PDE1C: variants seen among roughly 807,000 people sequenced by gnomAD.
The protein encoded by PDE1C is phosphodiesterase 1C, also known as dual specificity calcium/calmodulin-dependent 3',5'-cyclic nucleotide phosphodiesterase 1C.
PDE1C carries 62 observed loss-of-function variants against 93.1 expected under a neutral mutation model. The ratio of observed to expected loss-of-function variants is 0.67; its 90% confidence interval spans 0.54 to 0.82. The LOEUF (loss-of-function observed/expected upper bound fraction) is 0.82. PDE1C is among the 40% of genes least tolerant of loss of function. The pLI is 0.00. For synonymous variants in PDE1C, 325 were observed against 310.1 expected, an observed-to-expected ratio of 1.05 and a Z score of -0.50; for missense variants, 742 against 884.6, an observed-to-expected ratio of 0.84 and a Z score of 2.04.
chr7:31,705,370 T>C, the PDE1C span, among the ~76,000 whole-genome samples: 3 of 152,300 alleles, frequency 2.0e-5, no homozygotes, highest in African/African-American at 7.2e-5. Context: ...ATGGAAAATT[T>C]TGGGGCTCAG....
intron 1 of PDE1C, among the ~76,000 whole-genome samples, chr7:32,387,507 A>ACC (rs538226626): frequency 0.019 from 2,563 of 132,140 alleles, 60 homozygotes; most frequent in African/African-American, 0.072. Context: ...CGGGGGGCTG[A>ACC]CCCCCCCACC....
At chr7:31,679,586 C>T in the PDE1C span, among the ~76,000 whole-genome samples, 1 of 152,220 alleles carries the variant, frequency 6.6e-6, no homozygotes, top group Non-Finnish European at 1.5e-5. Flanking sequence ...GATATCCTCT[C>T]ATATCTAAGC....
upstream of PDE1C, among the ~76,000 whole-genome samples, chr7:32,303,499 G>A (rs1241329009): frequency 6.6e-6 from 1 of 152,136 alleles, no homozygotes; most frequent in Non-Finnish European, 1.5e-5. Flanking sequence ...CTGTGTTTCT[G>A]GATGCAGTTC....
the PDE1C span, among the ~76,000 whole-genome samples, chr7:31,702,684 A>G: frequency 2.0e-5 from 3 of 152,142 alleles, no homozygotes; most frequent in Admixed American, 2.0e-4. Context: ...GACTTACATC[A>G]ACAACTTGCA....
At chr7:31,838,024 A>G (rs1372335621) in intron 9 of PDE1C, 53 bp from the exon 10 acceptor site, 2 of 1,210,018 alleles carry the variant, frequency 1.7e-6, no homozygotes, top group African/African-American at 3.0e-5. Context: ...ATGGAAAGTA[A>G]AAATCAGTGT....
At position 31,849,005 on chromosome 7, in the gene PDE1C, T is replaced by C. The variant is rs191710183; in HGVS notation, c.852-909A>G. The stretch of plus-strand genomic sequence containing the variant: ...CAGGGATCACACAGGCTGAGAGGCT[T>C]TGGATAAAGTTCTGTTGAACAGGGC... On this transcript the variant is annotated intron_variant, in intron 8 of 17. Transcript: ENST00000396191. Among the ~76,000 whole-genome samples the C allele has an allele frequency of 1.4e-4, 22 of 152,334 alleles. No homozygotes were observed. In the East Asian group the frequency reaches 4.2e-3, roughly 29 times the overall value.
intron 1 of PDE1C, among the ~76,000 whole-genome samples, chr7:32,366,582 A>G (rs1372211251): frequency 6.6e-6 from 1 of 152,174 alleles, no homozygotes. Context: ...AGAACCTCAA[A>G]TAGATTGAAC....
Position 31,914,618 on chromosome 7 carries a change from G to T in PDE1C, c.129-33758C>A, listed in dbSNP as rs117004891. 8.7e-4 allele frequency among the ~76,000 whole-genome samples: 132 copies of T among 152,180 alleles called. 1 individual carries two copies. The East Asian group carries it at 0.022, about 25-fold the overall frequency. ...GATTCCTTTTTTCCTATTATCAGTTGTCTTCTTCAGTTATCACAAAGGTTG... is the reference window on the plus strand; with the variant it reads ...GATTCCTTTTTTCCTATTATCAGTTTTCTTCTTCAGTTATCACAAAGGTTG... On this transcript the variant is annotated intron_variant, in intron 2 of 17. Coordinates refer to ENST00000396191, the MANE Select transcript of PDE1C (RefSeq NM_001191057.4).
intron 17 of PDE1C, among the ~76,000 whole-genome samples, chr7:31,755,228 G>T (rs1430922387): frequency 6.6e-6 from 1 of 152,170 alleles, no homozygotes; most frequent in African/African-American, 2.4e-5. Context: ...ATGTGGTAAT[G>T]AACTTGATTA....
In PDE1C at chr7:31,916,213, T is replaced by C. The variant is rs141143858; in HGVS notation, c.129-35353A>G. ...TGTTATATTATTAATACTATTACTATTGACTTCCTCTAGTGAGTAAGCTAC... is the reference window on the plus strand; with the variant it reads ...TGTTATATTATTAATACTATTACTACTGACTTCCTCTAGTGAGTAAGCTAC... On this transcript the variant is annotated intron_variant, in intron 2 of 17. Coordinates refer to ENST00000396191, the MANE Select transcript of PDE1C (RefSeq NM_001191057.4). 5.1e-3 allele frequency among the ~76,000 whole-genome samples: 774 copies of C among 152,264 alleles called. 4 individuals carry two copies. The highest frequency in any genetic ancestry group is 0.018 in the African/African-American group (743 of 41,538).
In PDE1C at chr7:31,986,957, TACAC is replaced by T. The variant is rs1470150390; in HGVS notation, c.128+64593_128+64596del. 2.2e-5 allele frequency among the ~76,000 whole-genome samples: 3 copies of T among 134,624 alleles called. No individual in the cohort carries two copies. In the East Asian group the frequency reaches 6.8e-4, roughly 31 times the overall value. 88.3% of individuals were successfully genotyped at this position (134,624 alleles called of 152,430 possible). ...ACACACACACACACACACACACACA[TACAC>T]ACACAAAACTAGGAAGAAACGCTTC... On this transcript the variant is annotated intron_variant, in intron 2 of 17. Coordinates refer to ENST00000396191, the MANE Select transcript of PDE1C (RefSeq NM_001191057.4).
intron 1 of PDE1C, among the ~76,000 whole-genome samples, chr7:32,284,288 G>A (rs1278983545): frequency 3.3e-5 from 5 of 152,162 alleles, no homozygotes; most frequent in Non-Finnish European, 5.9e-5. Context: ...GGGGCAAACT[G>A]CTATGGTGGA....
chr7:31,766,576 A>C (rs1248903893), intron 17 of PDE1C, among the ~76,000 whole-genome samples: 1 of 152,006 alleles, frequency 6.6e-6, no homozygotes, highest in Non-Finnish European at 1.5e-5. Flanking sequence ...ATGATACTTC[A>C]CTCTCTTCCC....
chr7:31,835,614 G>T (rs907302558), intron 11 of PDE1C, among the ~76,000 whole-genome samples: 2 of 151,700 alleles, frequency 1.3e-5, no homozygotes, highest in South Asian at 2.1e-4. Context: ...TAACAAAAGG[G>T]TCTTAAGAAA....
intron 2 of PDE1C, among the ~76,000 whole-genome samples, chr7:31,899,317 T>G (rs935915613): frequency 1.3e-5 from 2 of 151,956 alleles, no homozygotes; most frequent in Non-Finnish European, 2.9e-5. Flanking sequence ...TTTTTTGTAT[T>G]TTAGTAGAGA....
chr7:32,387,507 A>AC (rs538226626), intron 1 of PDE1C, among the ~76,000 whole-genome samples: 12,212 of 131,890 alleles, frequency 0.093, 558 homozygotes, highest in African/African-American at 0.14. Context: ...CGGGGGGCTG[A>AC]CCCCCCCACC....
intron 3 of PDE1C, among the ~76,000 whole-genome samples, chr7:32,092,604 A>G (rs1563305953): frequency 6.6e-6 from 1 of 152,224 alleles, no homozygotes; most frequent in African/African-American, 2.4e-5. Context: ...GGTCCCTTCC[A>G]GATCCCACTG....
chr7:31,990,943 C>A (rs183099024), intron 2 of PDE1C, among the ~76,000 whole-genome samples: 7 of 152,270 alleles, frequency 4.6e-5, no homozygotes, highest in Admixed American at 4.6e-4. Context: ...CTTTTACCAG[C>A]AACTCCAAGC....
intron 3 of PDE1C, among the ~76,000 whole-genome samples, chr7:32,102,200 G>T (rs1798074528): frequency 6.6e-6 from 1 of 152,104 alleles, no homozygotes; most frequent in Admixed American, 6.6e-5. Context: ...AGTTAGAAAG[G>T]CAGAATCCTT....
Sources: gnomAD v4.1 joint callset for allele counts (sites outside exome capture counted in the v4.1 genomes callset) on GRCh38, gnomAD v4.1.1 for gene constraint, MANE v1.5 for transcripts, NCBI Gene and HGNC (gene_info 2026-07-23, HGNC 2026-07-21) for gene names.